The following NEMP2 variants were observed in gnomAD, a reference collection of about 807,000 sequenced individuals.
NEMP2 encodes nuclear envelope integral membrane protein 2.
Under a neutral mutation model 54.2 loss-of-function variants are expected in NEMP2, and 53 were observed. That is an observed-to-expected ratio of 0.98 (90% CI 0.78 to 1.23). The LOEUF is 1.23. Ranked by LOEUF, NEMP2 falls within the 50% of genes most tolerant of loss-of-function variation. The pLI is 0.00. For synonymous variants in NEMP2, 197 were observed against 190.3 expected, an observed-to-expected ratio of 1.04 and a Z score of -0.29; for missense variants, 455 against 511.3, an observed-to-expected ratio of 0.89 and a Z score of 1.06.
Position 190,516,393 on chromosome 2 carries a change from G to A in NEMP2, c.613-9C>T. On this transcript the variant is annotated splice_polypyrimidine_tract_variant and intron_variant, in intron 5 of 8. Coordinates refer to ENST00000409150, the MANE Select transcript of NEMP2 (RefSeq NM_001142645.2). ...GCCCAAAAGGTGCTATACTGTGTGT[G>A]GAAGAAAATAAATGACACATTTTTT... 8 of 1,526,318 alleles carry A rather than the reference G, an allele frequency of 5.2e-6. No individual in the cohort carries two copies. Among genetic ancestry groups the A allele is most frequent in the Non-Finnish European group, 7.0e-6 (8 of 1,136,206 alleles). 94.5% of individuals were successfully genotyped at this position (1,526,318 alleles called of 1,614,324 possible). A position where few individuals can be genotyped will look rare whatever the true frequency, so the allele number is the denominator to read the frequency against.
At chr2:190,602,720 G>T in the NEMP2 span, among the ~76,000 whole-genome samples, 5 of 152,192 alleles carry the variant, frequency 3.3e-5, no homozygotes, top group Non-Finnish European at 7.3e-5. Context: ...GTGGCCAAGG[G>T]AGTGCAGTTT....
At position 190,519,943 on chromosome 2, in the gene NEMP2, T is replaced by G. The variant is rs771129760; in HGVS notation, c.214-760A>C. Among the ~76,000 whole-genome samples, 4 of 152,224 alleles carry G rather than the reference T, an allele frequency of 2.6e-5. No homozygotes were observed. The highest frequency in any genetic ancestry group is 6.5e-5 in the Admixed American group (1 of 15,282). Reference sequence around the variant, plus strand: ...CACTTCATGTCTTTGTGTCAGCATGTTTTAGCAATAAAGTATTTCTTAAAT... The same window carrying G: ...CACTTCATGTCTTTGTGTCAGCATGGTTTAGCAATAAAGTATTTCTTAAAT... On this transcript the variant is annotated intron_variant, in intron 2 of 8. Coordinates refer to ENST00000409150, the MANE Select transcript of NEMP2 (RefSeq NM_001142645.2). The surrounding 1 kb of genome is among the most constrained non-coding windows in gnomAD (Gnocchi z 5.4).
At chr2:190,571,820 CCTTTT>C in the NEMP2 span, among the ~76,000 whole-genome samples, 59 of 152,222 alleles carry the variant, frequency 3.9e-4, no homozygotes, top group East Asian at 0.01. Flanking sequence ...CCCACTTCTT[CCTTTT>C]AATAGACTGT....
the NEMP2 span, chr2:190,489,796 C>G: frequency 6.2e-7 from 1 of 1,614,154 alleles, no homozygotes; most frequent in African/African-American, 1.3e-5. This position sits in a 1 kb window ranked among gnomAD's most constrained non-coding sequence, Gnocchi z 6.6. Flanking sequence ...GAGGAATTGG[C>G]ATGGCCTGCT....
At chr2:190,439,349 C>CT in the NEMP2 span, among the ~76,000 whole-genome samples, 5 of 151,572 alleles carry the variant, frequency 3.3e-5, no homozygotes, top group East Asian at 1.9e-4. This position sits in a 1 kb window ranked among gnomAD's most constrained non-coding sequence, Gnocchi z 5.8. Flanking sequence ...GTTCTATTTT[C>CT]TTTTTTTTCA....
At chr2:190,628,743 GA>G in the NEMP2 span, 3 of 152,168 alleles carry the variant, frequency 2.0e-5, no homozygotes, top group Admixed American at 2.0e-4. The surrounding 1 kb of genome is among the most constrained non-coding windows in gnomAD (Gnocchi z 4.1). Flanking sequence ...GAGAGAGAAA[GA>G]AAAATAAATC....
At chr2:190,642,347 T>C in the NEMP2 span, among the ~76,000 whole-genome samples, 1 of 152,212 alleles carries the variant, frequency 6.6e-6, no homozygotes, top group African/African-American at 2.4e-5. This position sits in a 1 kb window ranked among gnomAD's most constrained non-coding sequence, Gnocchi z 4.1. Flanking sequence ...GAATATATTT[T>C]GAATATACAA....
the NEMP2 span, among the ~76,000 whole-genome samples, chr2:190,482,875 T>TG: frequency 8.0e-5 from 2 of 25,152 alleles, no homozygotes; most frequent in Non-Finnish European, 2.1e-4. Flanking sequence ...CATCTTTTTT[T>TG]TTTTTTTTTT....
rs1364312584 is a variant in NEMP2, at chr2:190,505,673, C to G, written c.*3516G>C. On this transcript the variant is annotated 3_prime_UTR_variant, in exon 9 of 9. Coordinates refer to ENST00000409150, the MANE Select transcript of NEMP2 (RefSeq NM_001142645.2). This position sits in a 1 kb window ranked among gnomAD's most constrained non-coding sequence, Gnocchi z 5.8. Reference sequence around the variant, plus strand: ...ATACAGTTACCTTTAAAAGATAATCCAACTCCTAGGCCAGAGAAAGACTAA... The same window carrying G: ...ATACAGTTACCTTTAAAAGATAATCGAACTCCTAGGCCAGAGAAAGACTAA... The G allele has an allele frequency of 6.6e-6, 1 of 152,006 alleles. No individual in the cohort carries two copies. Among genetic ancestry groups the G allele is most frequent in the Admixed American group, 6.5e-5 (1 of 15,268 alleles). The allele number at this position is 152,006 out of a possible 1,614,324, so 9.4% of individuals were successfully genotyped here. A position where few individuals can be genotyped will look rare whatever the true frequency, so the allele number is the denominator to read the frequency against.
rs1022748392 is a variant in NEMP2, at chr2:190,522,102, T to G, written c.214-2919A>C. On this transcript the variant is annotated intron_variant, in intron 2 of 8. Transcript: ENST00000409150. The surrounding 1 kb of genome is among the most constrained non-coding windows in gnomAD (Gnocchi z 5.0). ...TAGAGGGAGGAGGGAAAGTGACACT[T>G]ATCTGAAAATACCTTTGTATAGAGT... 2.0e-5 allele frequency among the ~76,000 whole-genome samples: 3 copies of G among 152,194 alleles called. No individual in the cohort carries two copies. The highest frequency in any genetic ancestry group is 2.9e-5 in the Non-Finnish European group (2 of 68,036).
chr2:190,562,269 A>G, the NEMP2 span, among the ~76,000 whole-genome samples: 1 of 152,200 alleles, frequency 6.6e-6, no homozygotes, highest in South Asian at 2.1e-4. The surrounding 1 kb of genome is among the most constrained non-coding windows in gnomAD (Gnocchi z 5.0). Context: ...CCCAGCCAGG[A>G]AGCTCACACT....
In NEMP2 at chr2:190,525,416, T is replaced by A; in HGVS notation, c.98-38A>T. ...AAAGGGAATGCATTTTCTAACTGTT[T>A]AATTGCCCAGAATCTTTTTTAAAAA... On this transcript the variant is annotated intron_variant, in intron 1 of 8. Coordinates refer to ENST00000409150, the MANE Select transcript of NEMP2 (RefSeq NM_001142645.2). The surrounding 1 kb of genome is among the most constrained non-coding windows in gnomAD (Gnocchi z 5.0). 1 of 1,214,400 alleles carries A rather than the reference T, an allele frequency of 8.2e-7. No individual in the cohort carries two copies. The highest frequency in any genetic ancestry group is 1.2e-6 in the Non-Finnish European group (1 of 857,884). The allele number at this position is 1,214,400 out of a possible 1,614,324, so 75.2% of individuals were successfully genotyped here. A position where few individuals can be genotyped will look rare whatever the true frequency, so the allele number is the denominator to read the frequency against.
the NEMP2 span, among the ~76,000 whole-genome samples, chr2:190,432,795 A>C: frequency 6.6e-6 from 1 of 151,802 alleles, no homozygotes; most frequent in African/African-American, 2.4e-5. Flanking sequence ...GCTCTATTTG[A>C]GCACCTCCCC....
Position 190,530,008 on chromosome 2 carries a change from C to A in NEMP2, c.97+4551G>T, listed in dbSNP as rs1691087510. Among the ~76,000 whole-genome samples, 1 of 152,188 alleles carries A rather than the reference C, an allele frequency of 6.6e-6. No homozygotes were observed. The highest frequency in any genetic ancestry group is 1.9e-4 in the East Asian group (1 of 5,200). ...CTCTGGACTGGGGATCATCTTCTTGCCCCTCACTGGATAGAGGAGGTCAGA... is the reference window on the plus strand; with the variant it reads ...CTCTGGACTGGGGATCATCTTCTTGACCCTCACTGGATAGAGGAGGTCAGA... On this transcript the variant is annotated intron_variant, in intron 1 of 8. Coordinates refer to ENST00000409150, the MANE Select transcript of NEMP2 (RefSeq NM_001142645.2). This position sits in a 1 kb window ranked among gnomAD's most constrained non-coding sequence, Gnocchi z 4.6.
the NEMP2 span, among the ~76,000 whole-genome samples, chr2:190,635,932 T>C: frequency 6.6e-6 from 1 of 152,206 alleles, no homozygotes; most frequent in Non-Finnish European, 1.5e-5. The surrounding 1 kb of genome is among the most constrained non-coding windows in gnomAD (Gnocchi z 4.1). Flanking sequence ...AGGGGCATGA[T>C]TATAGCTCAC....
chr2:190,496,813 GA>G, the NEMP2 span, among the ~76,000 whole-genome samples: 2 of 152,206 alleles, frequency 1.3e-5, no homozygotes, highest in South Asian at 4.1e-4. The surrounding 1 kb of genome is among the most constrained non-coding windows in gnomAD (Gnocchi z 4.7). Context: ...CTCAAGAATG[GA>G]AAACCAAACA....
At chr2:190,462,164 A>G in the NEMP2 span, among the ~76,000 whole-genome samples, 46 of 152,274 alleles carry the variant, frequency 3.0e-4, no homozygotes, top group African/African-American at 1.1e-3. This position sits in a 1 kb window ranked among gnomAD's most constrained non-coding sequence, Gnocchi z 5.7. Flanking sequence ...GTGAATATGG[A>G]TATGAATTGA....
At chr2:190,463,656 A>G in the NEMP2 span, among the ~76,000 whole-genome samples, 1 of 152,050 alleles carries the variant, frequency 6.6e-6, no homozygotes, top group Non-Finnish European at 1.5e-5. The surrounding 1 kb of genome is among the most constrained non-coding windows in gnomAD (Gnocchi z 4.4). Flanking sequence ...CTTTGTGTCT[A>G]CTAAAAATCA....
the NEMP2 span, among the ~76,000 whole-genome samples, chr2:190,544,273 A>G: frequency 1.3e-5 from 2 of 152,220 alleles, no homozygotes; most frequent in East Asian, 3.8e-4. Context: ...TTGACTTGCC[A>G]TATACTAGTT....
Sources: allele counts gnomAD v4.1 joint callset (sites outside exome capture counted in the v4.1 genomes callset), GRCh38; gene constraint gnomAD v4.1.1; non-coding constraint Gnocchi (gnomAD v3.1); transcripts MANE v1.5; gene names NCBI Gene and HGNC (gene_info 2026-07-23, HGNC 2026-07-21).